The following TPD52 variants were observed in gnomAD, a reference collection of about 807,000 sequenced individuals.
TPD52 encodes tumor protein D52, also known as prostate and colon associated protein.
In TPD52, 17 loss-of-function variants were observed where a neutral mutation model predicts 31.3. The observed-to-expected ratio is 0.54, with a 90% CI of 0.37 to 0.82. The LOEUF (loss-of-function observed/expected upper bound fraction) is 0.82. Among genes scored for constraint, TPD52 ranks in the 40% least tolerant of loss-of-function variants. The pLI is 0.00. For missense variants in TPD52, 212 were observed against 240.1 expected, an observed-to-expected ratio of 0.88 and a Z score of 0.77; for synonymous variants, 83 against 89.6, an observed-to-expected ratio of 0.93 and a Z score of 0.42.
intron 1 of TPD52, among the ~76,000 whole-genome samples, chr8:80,089,045 C>T (rs1438066845): frequency 6.6e-6 from 1 of 152,202 alleles, no homozygotes; most frequent in Admixed American, 6.5e-5. Context: ...ATCTACCCTG[C>T]CACCAGCACC....
intron 1 of TPD52, among the ~76,000 whole-genome samples, chr8:80,146,411 C>T (rs1297545452): frequency 6.6e-6 from 1 of 152,196 alleles, no homozygotes; most frequent in Admixed American, 6.5e-5. Flanking sequence ...ATTTCAGGTT[C>T]AGTTTATAAA....
chr8:80,142,260 G>C (rs1159657646), intron 1 of TPD52, among the ~76,000 whole-genome samples: 1 of 152,182 alleles, frequency 6.6e-6, no homozygotes, highest in Non-Finnish European at 1.5e-5. Context: ...TTCTCATGGA[G>C]AGCAGTTAGC....
At chr8:80,095,639 A>C (rs1816669819) in intron 1 of TPD52, among the ~76,000 whole-genome samples, 1 of 152,168 alleles carries the variant, frequency 6.6e-6, no homozygotes, top group Admixed American at 6.5e-5. Context: ...CTGTAAACCC[A>C]AAACTGCCCT....
chr8:80,044,380 T>C (rs1810645921), intron 5 of TPD52, among the ~76,000 whole-genome samples, 172 bp from the exon 6 acceptor site: 2 of 152,178 alleles, frequency 1.3e-5, no homozygotes, highest in Non-Finnish European at 2.9e-5. Flanking sequence ...TAATTTACTT[T>C]TATTCAGGAG....
chr8:80,078,610 G>A (rs1025574100), intron 1 of TPD52, among the ~76,000 whole-genome samples: 2 of 152,168 alleles, frequency 1.3e-5, no homozygotes, highest in African/African-American at 4.8e-5. Flanking sequence ...AAATCACTGT[G>A]TTCTTACAGA....
chr8:80,090,717 A>G lies in TPD52; in HGVS notation c.20-26124T>C, dbSNP rs562672157. ...ACAGTATTATAAGAAAGAAAAAAAA[A>G]AAAACTATCCTCTTTGGAGCCTCTT... is the stretch of plus-strand genomic sequence containing the variant. On this transcript the variant is annotated intron_variant, in intron 1 of 7. Coordinates refer to ENST00000518937, the MANE Select transcript of TPD52 (RefSeq NM_001025253.3). 3.9e-5 allele frequency among the ~76,000 whole-genome samples: 6 copies of G among 152,310 alleles called. No homozygotes were observed. The South Asian group carries it at 1.2e-3, about 32-fold the overall frequency.
At chr8:80,116,956 C>T (rs1274787787) in intron 1 of TPD52, among the ~76,000 whole-genome samples, 5 of 151,948 alleles carry the variant, frequency 3.3e-5, no homozygotes, top group African/African-American at 1.2e-4. Flanking sequence ...GATTCATCAC[C>T]CTTTATGATC....
chr8:80,138,588 A>T (rs1226153904), intron 1 of TPD52, among the ~76,000 whole-genome samples: 1 of 152,198 alleles, frequency 6.6e-6, no homozygotes, highest in East Asian at 1.9e-4. Flanking sequence ...ATATGCAAAT[A>T]AAAAACTAAA....
intron 1 of TPD52, among the ~76,000 whole-genome samples, chr8:80,115,654 T>G (rs1807813420): frequency 6.6e-6 from 1 of 152,178 alleles, no homozygotes; most frequent in African/African-American, 2.4e-5. Flanking sequence ...CCCCAAAACA[T>G]AAACTTAACT....
chr8:80,121,624 C>CTA (rs1808265141), intron 1 of TPD52, among the ~76,000 whole-genome samples: 1 of 152,214 alleles, frequency 6.6e-6, no homozygotes, highest in Admixed American at 6.5e-5. Flanking sequence ...TTACCTCCCA[C>CTA]TAAACTCTGT....
intron 4 of TPD52, chr8:80,051,309 C>T: frequency 1.9e-6 from 1 of 540,330 alleles, no homozygotes; most frequent in East Asian, 3.2e-5. Flanking sequence ...AATTTTTCAA[C>T]AACCTTAAAT....
intron 1 of TPD52, among the ~76,000 whole-genome samples, chr8:80,135,854 T>C (rs1438934639): frequency 7.9e-6 from 1 of 126,334 alleles, no homozygotes. Flanking sequence ...AAATTGGAAA[T>C]CATCATTCTC....
chr8:80,166,474 C>T (rs1239505510), intron 1 of TPD52, among the ~76,000 whole-genome samples: 2 of 151,634 alleles, frequency 1.3e-5, no homozygotes, highest in Admixed American at 6.6e-5. Context: ...TCAGGTGATC[C>T]GCCCGCCTTG....
intron 1 of TPD52, among the ~76,000 whole-genome samples, chr8:80,146,717 T>C (rs1810221811): frequency 1.3e-5 from 2 of 152,226 alleles, no homozygotes; most frequent in Admixed American, 1.3e-4. Context: ...AAGTATCCAT[T>C]AATAGAATTA....
chr8:80,160,887 TAC>T (rs1394393453), intron 1 of TPD52, among the ~76,000 whole-genome samples: 17 of 13,958 alleles, frequency 1.2e-3, no homozygotes, highest in Non-Finnish European at 1.8e-3. Context: ...CTACTAAAAA[TAC>T]AAAAAAAAAA....
At chr8:80,061,036 A>C (rs1344854044) in intron 2 of TPD52, among the ~76,000 whole-genome samples, 1 of 152,220 alleles carries the variant, frequency 6.6e-6, no homozygotes, top group East Asian at 1.9e-4. Flanking sequence ...GTTTAATCAC[A>C]GATGACATGA....
intron 7 of TPD52, among the ~76,000 whole-genome samples, chr8:80,041,309 A>G (rs1330533671): frequency 3.9e-5 from 6 of 152,218 alleles, no homozygotes; most frequent in Non-Finnish European, 8.8e-5. Flanking sequence ...ATAAATTAAA[A>G]AAAGATCCAG....
chr8:80,171,417 G>A lies in TPD52; in HGVS notation c.19+8C>T, dbSNP rs779198724. The A allele has an allele frequency of 3.1e-6, 5 of 1,596,208 alleles. No homozygotes were observed. The Admixed American group carries it at 8.4e-5, about 27-fold the overall frequency. On this transcript the variant is annotated splice_region_variant and intron_variant, in intron 1 of 7. Transcript: ENST00000518937. ...CCGAGCCCAAGCCCGCTGGGTCCGC[G>A]CCCTCACCTTGCTCGCCGCGGTCCA...
downstream of TPD52, among the ~76,000 whole-genome samples, chr8:80,033,688 C>A (rs986850699): frequency 7.9e-5 from 12 of 152,116 alleles, no homozygotes; most frequent in Non-Finnish European, 1.6e-4. Context: ...ACATGGACAA[C>A]CGTAGGGTGA....
Sources: allele counts gnomAD v4.1 joint callset (sites outside exome capture counted in the v4.1 genomes callset), GRCh38; gene constraint gnomAD v4.1.1; transcripts MANE v1.5; gene names NCBI Gene and HGNC (gene_info 2026-07-23, HGNC 2026-07-21).